The following CFAP161 variants were observed in gnomAD, a reference collection of about 807,000 sequenced individuals.
CFAP161 encodes the protein cilia- and flagella-associated protein 161.
A neutral mutation model predicts 29.0 loss-of-function variants in CFAP161; 25 were observed. The ratio of observed to expected loss-of-function variants is 0.86; its 90% confidence interval spans 0.63 to 1.20. The LOEUF (loss-of-function observed/expected upper bound fraction) is 1.20, where lower values mean the gene tolerates loss of function less well. CFAP161 is among the 50% of genes most tolerant of loss of function. The pLI, the probability that CFAP161 is intolerant of heterozygous loss-of-function variation, is 0.00. For missense variants in CFAP161, 367 were observed against 371.9 expected (o/e 0.99, Z 0.11); for synonymous variants, 116 against 137.4 (o/e 0.84, Z 1.09).
rs1187507850 is a variant in CFAP161, at chr15:81,108,352, T to C, written c.-141-19238T>C. On this transcript the variant is annotated intron_variant, in intron 1 of 4. Transcript: ENST00000560091. ...CATAAGGGCCAGCATTTTTTTTTTT[T>C]CCCAACCAGCAACAGGAGATGAATG... 6.6e-5 allele frequency among the ~76,000 whole-genome samples: 10 copies of C among 151,052 alleles called. No homozygotes were observed. The South Asian group carries it at 8.4e-4, about 13-fold the overall frequency.
At chr15:81,116,540 A>C (rs1595910613) in intron 1 of CFAP161, among the ~76,000 whole-genome samples, 1 of 152,012 alleles carries the variant, frequency 6.6e-6, no homozygotes, top group South Asian at 2.1e-4. Context: ...CAGGTGATCC[A>C]CCCGCCTCAG....
In CFAP161 at chr15:81,147,869, A is replaced by C. The variant is rs748288770; in HGVS notation, c.648A>C (p.Lys216Asn). The change falls in exon 6 of 7, where the codon AAA becomes AAC. Residue 216 changes from lysine to asparagine, a missense_variant. By Grantham distance (94) the Lys-to-Asn change is moderately conservative. Coordinates refer to ENST00000286732, the MANE Select transcript of CFAP161 (RefSeq NM_173528.4). ...YEGFPVPANA[K>N]ILINHCHTNR... ...CTTTATCTGTTAAGGCAAATGCTAA[A>C]ATTCTCATCAATCACTGTCACACAA... 5 of 1,607,610 alleles carry C rather than the reference A, an allele frequency of 3.1e-6. No homozygotes were observed. The highest frequency in any genetic ancestry group is 4.2e-6 in the Non-Finnish European group (5 of 1,177,808).
chr15:81,102,807 G>A (rs1894318553), intron 1 of CFAP161, among the ~76,000 whole-genome samples: 2 of 152,220 alleles, frequency 1.3e-5, no homozygotes, highest in African/African-American at 4.8e-5. Context: ...GGACTCACAT[G>A]CCAGGACAGA....
chr15:81,133,176 CATATATATATATATATAT>C (rs141326043), upstream of CFAP161, among the ~76,000 whole-genome samples: 49 of 60,994 alleles, frequency 8.0e-4, no homozygotes, highest in South Asian at 4.1e-3. Flanking sequence ...CCTTCATCAG[CATATATATATATATATAT>C]ATATATATAT....
intron 1 of CFAP161, among the ~76,000 whole-genome samples, chr15:81,111,638 T>G (rs879267153): frequency 3.3e-5 from 5 of 152,196 alleles, no homozygotes; most frequent in Non-Finnish European, 5.9e-5. Flanking sequence ...GCCTCGATGC[T>G]GAAGGTACTT....
intron 2 of CFAP161, among the ~76,000 whole-genome samples, chr15:81,129,227 C>A (rs190748051): frequency 1.5e-4 from 23 of 152,140 alleles, no homozygotes; most frequent in Admixed American, 1.4e-3. Flanking sequence ...TGCTGTCATC[C>A]AGGCTTTCTT....
chr15:81,137,096 A>ATTTTT (rs370003742), intron 3 of CFAP161, among the ~76,000 whole-genome samples: 3 of 149,252 alleles, frequency 2.0e-5, no homozygotes, highest in African/African-American at 4.9e-5. Context: ...TAATACGGCT[A>ATTTTT]TTTTTTTTTT....
At chr15:81,116,161 C>A (rs1894494861) in intron 1 of CFAP161, among the ~76,000 whole-genome samples, 1 of 152,148 alleles carries the variant, frequency 6.6e-6, no homozygotes, top group Admixed American at 6.5e-5. Context: ...AGAGTAGGTT[C>A]CGTTAGGTTA....
intron 1 of CFAP161, among the ~76,000 whole-genome samples, chr15:81,105,140 C>G (rs1293820006): frequency 8.8e-5 from 1 of 11,372 alleles, no homozygotes; most frequent in East Asian, 1.4e-3. Flanking sequence ...TCCCCCCTCC[C>G]CTCCCTCCCT....
Position 81,148,526 on chromosome 15 carries a change from C to T in CFAP161, c.899C>T (p.Thr300Met), listed in dbSNP as rs749821239. The T allele has an allele frequency of 9.9e-6, 16 of 1,610,130 alleles. No homozygotes were observed. The highest frequency in any genetic ancestry group is 3.3e-5 in the South Asian group (3 of 90,998). The change falls in exon 7 of 7, where the codon ACG (threonine) becomes ATG (methionine). Residue 300 changes from threonine to methionine, a missense_variant. Transcript: ENST00000286732. ...RAMEQAMGLD[T>M]Q ...ATGGAGCAGGCCATGGGCCTTGACA[C>T]GCAGTAACACGCCAGGCACGTGCAT...
chr15:81,100,432 C>T (rs1257177581), intron 1 of CFAP161, among the ~76,000 whole-genome samples: 3 of 151,722 alleles, frequency 2.0e-5, no homozygotes, highest in Non-Finnish European at 2.9e-5. Flanking sequence ...CTTTCTATTG[C>T]TTTAAATAAT....
intron 1 of CFAP161, among the ~76,000 whole-genome samples, chr15:81,110,582 G>C (rs751986459): frequency 1.3e-5 from 2 of 152,134 alleles, no homozygotes; most frequent in African/African-American, 4.8e-5. Context: ...ACTACTCTGG[G>C]TCCATGCCGG....
intron 1 of CFAP161, among the ~76,000 whole-genome samples, chr15:81,113,161 T>C (rs571763067): frequency 6.6e-6 from 1 of 152,338 alleles, no homozygotes; most frequent in Non-Finnish European, 1.5e-5. Context: ...TGATTCTTTA[T>C]GTTACTTTGT....
intron 1 of CFAP161, among the ~76,000 whole-genome samples, chr15:81,100,315 T>A (rs1275175222): frequency 1.4e-5 from 2 of 145,170 alleles, no homozygotes; most frequent in African/African-American, 2.4e-5. Context: ...TGTAATACAG[T>A]CTTCTATTAT....
chr15:81,130,567 G>T (rs982498829), upstream of CFAP161, among the ~76,000 whole-genome samples: 10 of 152,316 alleles, frequency 6.6e-5, no homozygotes, highest in African/African-American at 2.4e-4. Flanking sequence ...GGGTGTGGTG[G>T]CATGCGCCTG....
chr15:81,147,662 C>G (rs139654134), intron 5 of CFAP161, among the ~76,000 whole-genome samples, 196 bp from the exon 6 acceptor site: 2 of 152,028 alleles, frequency 1.3e-5, no homozygotes, highest in African/African-American at 4.8e-5. Context: ...TAGGGTCTTA[C>G]GGTCGCATAG....
chr15:81,100,884 C>T (rs190432046), intron 1 of CFAP161, among the ~76,000 whole-genome samples: 4 of 152,116 alleles, frequency 2.6e-5, no homozygotes, highest in African/African-American at 7.2e-5. Context: ...TGGATTTGTC[C>T]TCCTGCATGC....
chr15:81,133,252 T>G (rs1894748423), upstream of CFAP161, among the ~76,000 whole-genome samples: 1 of 142,016 alleles, frequency 7.0e-6, no homozygotes, highest in Non-Finnish European at 1.5e-5. Flanking sequence ...GGAGATGGGG[T>G]CTCACTATGT....
At chr15:81,139,481 G>A (rs9989357) in intron 4 of CFAP161, among the ~76,000 whole-genome samples, 61,612 of 151,752 alleles carry the variant, frequency 0.41, 13,532 homozygotes, top group East Asian at 0.75. Context: ...TTACTTTCCT[G>A]TGTATTTTTT....
Sources: allele counts gnomAD v4.1 joint callset (sites outside exome capture counted in the v4.1 genomes callset), GRCh38; gene constraint gnomAD v4.1.1; transcripts MANE v1.5; gene names NCBI Gene and HGNC (gene_info 2026-07-23, HGNC 2026-07-21).